The following VLDLR variants were observed in gnomAD, a reference collection of about 807,000 sequenced individuals.
VLDLR encodes the protein very low density lipoprotein receptor.
A neutral mutation model predicts 112.7 loss-of-function variants in VLDLR; 81 were observed. That is an observed-to-expected ratio of 0.72 (90% CI 0.60 to 0.86). The LOEUF (loss-of-function observed/expected upper bound fraction) is 0.86. Among genes scored for constraint, VLDLR ranks in the 40% least tolerant of loss-of-function variants. VLDLR has a pLI of 0.00. For missense variants in VLDLR, 1,237 were observed against 1,099.4 expected (o/e 1.13, Z -1.77); for synonymous variants, 436 against 384.8 (o/e 1.13, Z -1.56).
At chr9:2,633,514 C>A (rs1215151831) in intron 1 of VLDLR, among the ~76,000 whole-genome samples, 2 of 152,068 alleles carry the variant, frequency 1.3e-5, no homozygotes, top group Admixed American at 6.5e-5. Context: ...CTTTAAGTTG[C>A]TATTCAAATC....
At chr9:2,633,799 G>A (rs139271250) in intron 1 of VLDLR, among the ~76,000 whole-genome samples, 67 of 152,156 alleles carry the variant, frequency 4.4e-4, no homozygotes, top group African/African-American at 1.3e-3. Flanking sequence ...TGCAAGACAC[G>A]TACCCTCAGC....
At chr9:2,650,178 G>A (rs1342968757) in intron 14 of VLDLR, among the ~76,000 whole-genome samples, 192 bp from the exon 15 acceptor site, 2 of 152,054 alleles carry the variant, frequency 1.3e-5, no homozygotes, top group South Asian at 4.2e-4. Context: ...CCCTTATCTG[G>A]TGTCCTTAGA....
intron 12 of VLDLR, 174 bp downstream of exon 12, chr9:2,647,766 T>TA: frequency 1.4e-6 from 1 of 696,458 alleles, no homozygotes; most frequent in Non-Finnish European, 2.6e-6. Context: ...ATTAACAAAT[T>TA]ACACATTCCA....
intron 1 of VLDLR, among the ~76,000 whole-genome samples, chr9:2,625,652 T>C (rs1158864330): frequency 6.6e-6 from 1 of 152,240 alleles, no homozygotes; most frequent in Non-Finnish European, 1.5e-5. Flanking sequence ...ACAACTGCCC[T>C]CTACATGGTT....
In VLDLR at chr9:2,659,058, A is replaced by G. The variant is rs1586667329; in HGVS notation, c.*5190A>G. The G allele has an allele frequency of 1.3e-5, 2 of 152,310 alleles. No homozygotes were observed. Among genetic ancestry groups the G allele is most frequent in the African/African-American group, 4.8e-5 (2 of 41,580 alleles). 9.4% of individuals were successfully genotyped at this position (152,310 alleles called of 1,614,324 possible). A position where few individuals can be genotyped will look rare whatever the true frequency, so the allele number is the denominator to read the frequency against. ...ATTTGGGAGCCTGCATAGTCTTTAG[A>G]TGGCTGCCAAAGCACTTAAAATCTC... On this transcript the variant is annotated 3_prime_UTR_variant, in exon 19 of 19. Coordinates refer to ENST00000382100, the MANE Select transcript of VLDLR (RefSeq NM_003383.5).
chr9:2,648,412 CAG>C, intron 13 of VLDLR, 65 bp downstream of exon 13: 1 of 1,608,662 alleles, frequency 6.2e-7, no homozygotes, highest in Non-Finnish European at 8.5e-7. Context: ...GAAGAAATAA[CAG>C]ACATAGCGGG....
At chr9:2,633,347 T>C (rs1164645852) in intron 1 of VLDLR, among the ~76,000 whole-genome samples, 1 of 152,100 alleles carries the variant, frequency 6.6e-6, no homozygotes, top group African/African-American at 2.4e-5. Flanking sequence ...TTTAAGGCAA[T>C]AGTAGAGTAA....
At chr9:2,651,602 C>T in intron 16 of VLDLR, 104 bp downstream of exon 16, 1 of 1,093,026 alleles carries the variant, frequency 9.1e-7, no homozygotes, top group Non-Finnish European at 1.4e-6. Flanking sequence ...ATTTCTGCCC[C>T]AATTGGTAAC....
intron 7 of VLDLR, 70 bp from the exon 8 acceptor site, chr9:2,644,664 C>T: frequency 6.2e-7 from 1 of 1,606,246 alleles, no homozygotes; most frequent in Non-Finnish European, 8.5e-7. Flanking sequence ...TCACAAATAG[C>T]CTGGGTTTTA....
chr9:2,625,237 A>G (rs2130757595), intron 1 of VLDLR, among the ~76,000 whole-genome samples: 1 of 152,354 alleles, frequency 6.6e-6, no homozygotes, highest in African/African-American at 2.4e-5. Flanking sequence ...GAGAGGTATC[A>G]AATTGATAAG....
In VLDLR at chr9:2,645,663, C is replaced by T. The variant is rs1818037792; in HGVS notation, c.1402C>T (p.Leu468=). The T allele has an allele frequency of 6.2e-7, 1 of 1,614,066 alleles. No individual in the cohort carries two copies. Among genetic ancestry groups the T allele is most frequent in the African/African-American group, 1.3e-5 (1 of 74,918 alleles). The change falls in exon 10 of 19, where the codon CTA becomes TTA. Residue 468 remains leucine (L), a synonymous_variant. Coordinates refer to ENST00000382100, the MANE Select transcript of VLDLR (RefSeq NM_003383.5). ...RKEYIQLVEQ[L]RNTVALDADI... is the part of the protein sequence containing the mutation. ...AGAATATATCCAACTAGTTGAACAG[C>T]TAAGAAACACTGTGGCTCTCGATGC...
At chr9:2,649,765 T>G (rs1818237033) in intron 14 of VLDLR, among the ~76,000 whole-genome samples, 1 of 152,182 alleles carries the variant, frequency 6.6e-6, no homozygotes, top group Non-Finnish European at 1.5e-5. Context: ...CCTCAATATC[T>G]CCAAATAAGA....
rs188729600 is a variant in VLDLR at position 2,632,563 on chromosome 9, C to T, written c.83-2890C>T. Among the ~76,000 whole-genome samples the T allele has an allele frequency of 1.8e-3, 278 of 152,306 alleles. 1 individual carries two copies. The highest frequency in any genetic ancestry group is 3.1e-3 in the Non-Finnish European group (209 of 68,034). On this transcript the variant is annotated intron_variant, in intron 1 of 18. Transcript: ENST00000382100. Reference sequence around the variant, plus strand: ...CATGGATGGAAATAGACTGCAGGTCCACAATCCTATAATCCCAAAGCTTTG... The same window carrying T: ...CATGGATGGAAATAGACTGCAGGTCTACAATCCTATAATCCCAAAGCTTTG...
Position 2,622,410 on chromosome 9 carries a change from C to G in VLDLR, c.82+139C>G, listed in dbSNP as rs910393110. On this transcript the variant is annotated intron_variant, in intron 1 of 18. Coordinates refer to ENST00000382100, the MANE Select transcript of VLDLR (RefSeq NM_003383.5). ...CTCCTCGCCTTCCCTCCCTCCCCTC[C>G]GTGGTGGCGCCTCTGAGCTGTCAGC... The G allele has an allele frequency of 3.7e-5, 27 of 732,298 alleles. No homozygotes were observed. In the East Asian group the frequency reaches 8.3e-4, roughly 22 times the overall value. 45.4% of individuals were successfully genotyped at this position (732,298 alleles called of 1,614,324 possible).
chr9:2,624,200 A>G (rs1816976342), intron 1 of VLDLR, among the ~76,000 whole-genome samples: 1 of 152,222 alleles, frequency 6.6e-6, no homozygotes, highest in South Asian at 2.1e-4. Context: ...TTGACATGCC[A>G]TGAACAATGG....
intron 7 of VLDLR, among the ~76,000 whole-genome samples, chr9:2,644,318 C>T (rs1163064173): frequency 7.7e-6 from 1 of 130,050 alleles, no homozygotes; most frequent in Non-Finnish European, 1.6e-5. Context: ...ACCACCACGC[C>T]CGGCTAATTT....
intron 1 of VLDLR, among the ~76,000 whole-genome samples, chr9:2,635,063 C>T (rs1337400939): frequency 6.6e-6 from 1 of 152,088 alleles, no homozygotes; most frequent in Non-Finnish European, 1.5e-5. Flanking sequence ...GCTCCATTTG[C>T]CCGAGATCAC....
Position 2,644,808 on chromosome 9 carries a change from G to A in VLDLR, c.1141G>A (p.Asp381Asn). ...AGACCTAGTTATAGGCTACGAGTGTGACTGTGCAGCTGGGTTTGAACTGAT... is the reference window on the plus strand; with the variant it reads ...AGACCTAGTTATAGGCTACGAGTGTAACTGTGCAGCTGGGTTTGAACTGAT... ...CKDLVIGYECDCAAGFELIDR... is the reference protein window; with the variant it reads ...CKDLVIGYECNCAAGFELIDR... The change falls in exon 8 of 19, where the codon GAC becomes AAC. Residue 381 changes from aspartate (D) to asparagine (N), a missense_variant. By Grantham distance (23) the Asp-to-Asn change is conservative (BLOSUM62 1). Transcript: ENST00000382100. 2.5e-6 allele frequency: 4 copies of A among 1,614,200 alleles called. No homozygotes were observed. Among genetic ancestry groups the A allele is most frequent in the South Asian group, 2.2e-5 (2 of 91,076 alleles).
chr9:2,655,250 T>C lies in VLDLR; in HGVS notation c.*1382T>C, dbSNP rs1818552780. The C allele has an allele frequency of 6.6e-6, 1 of 152,146 alleles. No individual in the cohort carries two copies. The highest frequency in any genetic ancestry group is 1.5e-5 in the Non-Finnish European group (1 of 68,022). The allele number at this position is 152,146 out of a possible 1,614,324, so 9.4% of individuals were successfully genotyped here. A position where few individuals can be genotyped will look rare whatever the true frequency, so the allele number is the denominator to read the frequency against. On this transcript the variant is annotated 3_prime_UTR_variant, in exon 19 of 19. Coordinates refer to ENST00000382100, the MANE Select transcript of VLDLR (RefSeq NM_003383.5). ...TATGGACAATTTCTGGAACTTACAG[T>C]ATGAAGAGCAGATGAGGAGTTTGAG... is the stretch of plus-strand genomic sequence containing the variant.
Sources: allele counts gnomAD v4.1 joint callset (sites outside exome capture counted in the v4.1 genomes callset), GRCh38; gene constraint gnomAD v4.1.1; transcripts MANE v1.5; gene names NCBI Gene and HGNC (gene_info 2026-07-23, HGNC 2026-07-21).